Variants in UBE2E2 observed in about 807,000 individuals in gnomAD.
The protein encoded by UBE2E2 is ubiquitin-conjugating enzyme E2 E2.
Under a neutral mutation model 24.7 loss-of-function variants are expected in UBE2E2, and 6 were observed. The observed-to-expected ratio is 0.24, with a 90% CI of 0.13 to 0.48. The LOEUF is 0.48. Ranked by LOEUF, UBE2E2 falls within the 20% of genes least tolerant of loss-of-function variation. The probability of loss-of-function intolerance (pLI) is 0.99; values close to 1 mark genes in which losing one functional copy is unlikely to be tolerated. For missense variants in UBE2E2, 169 were observed against 245.0 expected (o/e 0.69, Z 2.07); for synonymous variants, 104 against 83.6 (o/e 1.24, Z -1.33).
At chr3:23,423,742 G>C (rs1342242158) in intron 3 of UBE2E2, among the ~76,000 whole-genome samples, 1 of 152,142 alleles carries the variant, frequency 6.6e-6, no homozygotes, top group Non-Finnish European at 1.5e-5. Context: ...AATGTATGGA[G>C]TCTTTATTAT....
intron 3 of UBE2E2, among the ~76,000 whole-genome samples, chr3:23,349,814 T>C (rs576836702): frequency 4.6e-5 from 7 of 152,274 alleles, no homozygotes; most frequent in South Asian, 2.1e-4. Context: ...AGGGCACAGA[T>C]AAACAAAAAG....
intron 3 of UBE2E2, among the ~76,000 whole-genome samples, chr3:23,367,796 C>T (rs1290820206): frequency 6.6e-6 from 1 of 152,148 alleles, no homozygotes; most frequent in Non-Finnish European, 1.5e-5. Flanking sequence ...GTCTTGTGGA[C>T]TGAGCCCTCA....
At chr3:23,441,488 G>A (rs185693114) in intron 3 of UBE2E2, among the ~76,000 whole-genome samples, 4,432 of 143,182 alleles carry the variant, frequency 0.031, 106 homozygotes, top group East Asian at 0.14. Context: ...GCAGTGAGCC[G>A]AGATCGCGCC....
intron 5 of UBE2E2, among the ~76,000 whole-genome samples, chr3:23,574,529 A>G (rs1559426744): frequency 6.6e-6 from 1 of 152,146 alleles, no homozygotes; most frequent in Admixed American, 6.6e-5. Flanking sequence ...ACCCACAAAC[A>G]TTAAAAATTA....
In UBE2E2 at chr3:23,499,743, C is replaced by G; in HGVS notation, c.360+3C>G. ...ACTATCCGTTTAAACCCCCTAAGGTCAGTATGAAGTTTTCATTGATTTTTA... is the reference window on the plus strand; with the variant it reads ...ACTATCCGTTTAAACCCCCTAAGGTGAGTATGAAGTTTTCATTGATTTTTA... On this transcript the variant is annotated splice_donor_region_variant and intron_variant, in intron 4 of 5. Coordinates refer to ENST00000396703, the MANE Select transcript of UBE2E2 (RefSeq NM_152653.4). 1 of 1,609,864 alleles carries G rather than the reference C, an allele frequency of 6.2e-7. No individual in the cohort carries two copies. Among genetic ancestry groups the G allele is most frequent in the Middle Eastern group, 1.7e-4 (1 of 6,026 alleles).
intron 3 of UBE2E2, among the ~76,000 whole-genome samples, chr3:23,468,870 TTG>T (rs1452623873): frequency 6.6e-6 from 1 of 152,192 alleles, no homozygotes; most frequent in Non-Finnish European, 1.5e-5. Flanking sequence ...TAATTAGAAC[TTG>T]TGTGTGTCGA....
chr3:23,364,253 G>A (rs1696200043), intron 3 of UBE2E2, among the ~76,000 whole-genome samples: 1 of 152,100 alleles, frequency 6.6e-6, no homozygotes, highest in Admixed American at 6.6e-5. Context: ...AGAGCTAGCA[G>A]AAGACAACAG....
chr3:23,558,412 A>G (rs1695841687), intron 5 of UBE2E2, among the ~76,000 whole-genome samples: 1 of 152,196 alleles, frequency 6.6e-6, no homozygotes, highest in Admixed American at 6.5e-5. Flanking sequence ...TTATGTAGTT[A>G]TGTATATCTT....
intron 3 of UBE2E2, among the ~76,000 whole-genome samples, chr3:23,228,561 A>G (rs1318694469): frequency 6.6e-6 from 1 of 152,210 alleles, no homozygotes; most frequent in African/African-American, 2.4e-5. Context: ...ATTTACAATT[A>G]ATCAACTAAG....
chr3:23,295,621 G>A (rs903453950), intron 3 of UBE2E2, among the ~76,000 whole-genome samples: 1 of 152,168 alleles, frequency 6.6e-6, no homozygotes, highest in African/African-American at 2.4e-5. Context: ...CTCAGATTTC[G>A]AATATCGGTG....
intron 3 of UBE2E2, among the ~76,000 whole-genome samples, chr3:23,484,552 C>T (rs1361128101): frequency 1.3e-5 from 2 of 152,124 alleles, no homozygotes; most frequent in Non-Finnish European, 2.9e-5. Context: ...CTTTGGGAAT[C>T]AAGAATGTTC....
At chr3:23,466,549 T>A (rs972023649) in intron 3 of UBE2E2, among the ~76,000 whole-genome samples, 9 of 146,332 alleles carry the variant, frequency 6.2e-5, no homozygotes, top group Non-Finnish European at 1.4e-4. Context: ...TCCCAGAGTC[T>A]GTTTTGTTTT....
At chr3:23,475,742 C>A (rs1387305394) in intron 3 of UBE2E2, among the ~76,000 whole-genome samples, 1 of 151,994 alleles carries the variant, frequency 6.6e-6, no homozygotes, top group East Asian at 1.9e-4. Context: ...CTGCCCAGAC[C>A]GGGGCTTTTA....
chr3:23,392,925 G>A (rs1696974020), intron 3 of UBE2E2, among the ~76,000 whole-genome samples: 1 of 152,200 alleles, frequency 6.6e-6, no homozygotes, highest in Non-Finnish European at 1.5e-5. Flanking sequence ...CCAGGAAGGG[G>A]CAAGTCAGAG....
chr3:23,357,132 C>T (rs1426768863), intron 3 of UBE2E2, among the ~76,000 whole-genome samples: 2 of 152,228 alleles, frequency 1.3e-5, no homozygotes, highest in African/African-American at 4.8e-5. Context: ...TCTTACTTCA[C>T]TGCAAGGAGT....
intron 3 of UBE2E2, among the ~76,000 whole-genome samples, chr3:23,424,243 T>G (rs1195433628): frequency 6.6e-6 from 1 of 152,140 alleles, no homozygotes; most frequent in Non-Finnish European, 1.5e-5. Flanking sequence ...AAAAGCTACA[T>G]AATCTGCAGT....
At chr3:23,429,000 G>A (rs1486325189) in intron 3 of UBE2E2, among the ~76,000 whole-genome samples, 6 of 149,702 alleles carry the variant, frequency 4.0e-5, no homozygotes, top group African/African-American at 1.5e-4. Flanking sequence ...CATTAAAAGG[G>A]TAATAAAGAA....
chr3:23,524,337 A>G (rs1411368679), intron 4 of UBE2E2, among the ~76,000 whole-genome samples: 1 of 152,164 alleles, frequency 6.6e-6, no homozygotes, highest in Admixed American at 6.6e-5. Context: ...AGTTAATCTT[A>G]TAACTAGTAA....
intron 3 of UBE2E2, among the ~76,000 whole-genome samples, chr3:23,413,446 G>C (rs1697544317): frequency 6.6e-6 from 1 of 152,026 alleles, no homozygotes; most frequent in Non-Finnish European, 1.5e-5. Flanking sequence ...GATCAGCTCA[G>C]CCTTAATCTT....
Sources: gnomAD v4.1 joint callset for allele counts (sites outside exome capture counted in the v4.1 genomes callset) on GRCh38, gnomAD v4.1.1 for gene constraint, MANE v1.5 for transcripts, NCBI Gene and HGNC (gene_info 2026-07-23, HGNC 2026-07-21) for gene names.